Variants in ALDH1L2 observed in about 807,000 individuals in gnomAD.
ALDH1L2 encodes the protein aldehyde dehydrogenase 1 family member L2.
In ALDH1L2, 91 loss-of-function variants were observed where a neutral mutation model predicts 111.0. That is an observed-to-expected ratio of 0.82 (90% confidence interval 0.69 to 0.98). The LOEUF is 0.98. ALDH1L2 is among the 50% of genes least tolerant of loss of function. The probability of loss-of-function intolerance (pLI) is 0.00; values close to 1 mark genes in which losing one functional copy is unlikely to be tolerated. For missense variants in ALDH1L2, 995 were observed against 1,126.8 expected, an observed-to-expected ratio of 0.88 and a Z score of 1.67; for synonymous variants, 374 against 392.6, an observed-to-expected ratio of 0.95 and a Z score of 0.56.
At chr12:105,079,776 A>G (rs75630532) in intron 1 of ALDH1L2, among the ~76,000 whole-genome samples, 2,535 of 152,282 alleles carry the variant, frequency 0.017, 22 homozygotes, top group Non-Finnish European at 0.025. Flanking sequence ...CCTTTTGACC[A>G]TCACTCCCAA....
intron 12 of ALDH1L2, among the ~76,000 whole-genome samples, chr12:105,050,894 G>T (rs1282766771): frequency 6.6e-6 from 1 of 152,098 alleles, no homozygotes; most frequent in African/African-American, 2.4e-5. Flanking sequence ...CATGACACAT[G>T]GGAATTATGG....
intron 18 of ALDH1L2, among the ~76,000 whole-genome samples, 195 bp downstream of exon 18, chr12:105,037,908 G>A (rs770381451): frequency 1.3e-5 from 2 of 152,018 alleles, no homozygotes; most frequent in Non-Finnish European, 2.9e-5. Context: ...GGGACTACAG[G>A]TGCCCACCAC....
Position 105,059,467 on chromosome 12 carries a change from C to T in ALDH1L2, c.1140-1247G>A, listed in dbSNP as rs547892429. 5.3e-5 allele frequency among the ~76,000 whole-genome samples: 8 copies of T among 151,974 alleles called. No homozygotes were observed. In the South Asian group the frequency reaches 6.2e-4, roughly 12 times the overall value. ...TCACACCACTGCACTCCAGCCTAGG[C>T]GACAGAGTGAGGCCCTATCTGTAAT... On this transcript the variant is annotated intron_variant, in intron 9 of 22. Transcript: ENST00000258494.
In ALDH1L2 at chr12:105,026,721, C is replaced by A. The variant is rs1001186206; in HGVS notation, c.2540G>T (p.Arg847Leu). ...CAAACCATACTCTGTACTATTTGCTCGCTGCAACACTCCATCGATGTCCCT... is the reference window on the plus strand; with the variant it reads ...CAAACCATACTCTGTACTATTTGCTAGCTGCAACACTCCATCGATGTCCCT... ...QNGDIDGVLQ[R>L]ANSTEYGLAS... The change falls in exon 22 of 23, where the codon CGA becomes CTA. Residue 847 changes from arginine (R) to leucine (L), a missense_variant. Coordinates refer to ENST00000258494, the MANE Select transcript of ALDH1L2 (RefSeq NM_001034173.4). 1 of 1,614,126 alleles carries A rather than the reference C, an allele frequency of 6.2e-7. No homozygotes were observed. The highest frequency in any genetic ancestry group is 2.2e-5 in the East Asian group (1 of 44,888).
intron 6 of ALDH1L2, among the ~76,000 whole-genome samples, chr12:105,064,484 C>T (rs957404342): frequency 2.6e-5 from 4 of 152,114 alleles, no homozygotes; most frequent in Non-Finnish European, 5.9e-5. Context: ...CCATCGAGCC[C>T]ATGGATTTTT....
chr12:105,066,470 C>T, intron 5 of ALDH1L2, 98 bp downstream of exon 5: 1 of 1,139,706 alleles, frequency 8.8e-7, no homozygotes, highest in Non-Finnish European at 1.3e-6. Flanking sequence ...CTAGGGCAAG[C>T]TGGCTTACCT....
chr12:105,042,174 A>G (rs4964319), intron 15 of ALDH1L2, among the ~76,000 whole-genome samples: 54,898 of 151,986 alleles, frequency 0.36, 10,147 homozygotes, highest in South Asian at 0.51. Flanking sequence ...ATTAAAACCC[A>G]TGAGTTTACA....
intron 9 of ALDH1L2, 30 bp from the exon 10 acceptor site, chr12:105,058,250 TAG>T (rs1229658318): frequency 1.3e-6 from 2 of 1,579,200 alleles, no homozygotes; most frequent in Non-Finnish European, 1.7e-6. Flanking sequence ...TCGCGTTACT[TAG>T]ATTTTTAAAA....
At position 105,041,212 on chromosome 12, in the gene ALDH1L2, A is replaced by G. The variant is rs181276260; in HGVS notation, c.1864-518T>C. On this transcript the variant is annotated intron_variant, in intron 15 of 22. Transcript: ENST00000258494. ...AAAATCCAACATCTGCATTACATTTAGTTCTATCTGTAGTCTCCAGTAATC... is the reference window on the plus strand; with the variant it reads ...AAAATCCAACATCTGCATTACATTTGGTTCTATCTGTAGTCTCCAGTAATC... Among the ~76,000 whole-genome samples, 93 of 152,364 alleles carry G rather than the reference A, an allele frequency of 6.1e-4. 1 individual carries two copies. The highest frequency in any genetic ancestry group is 2.1e-3 in the African/African-American group (89 of 41,586).
rs1017981275 is a variant in ALDH1L2 at position 105,069,024 on chromosome 12, T to A, written c.429-140A>T. The A allele has an allele frequency of 3.3e-5, 26 of 793,470 alleles. No individual in the cohort carries two copies. The African/African-American group carries it at 4.0e-4, about 12-fold the overall frequency. 49.2% of individuals were successfully genotyped at this position (793,470 alleles called of 1,614,324 possible). A position where few individuals can be genotyped will look rare whatever the true frequency, so the allele number is the denominator to read the frequency against. On this transcript the variant is annotated intron_variant, in intron 3 of 22. Transcript: ENST00000258494. ...TACCATGAGAAATTAACAGTAGAAC[T>A]GGGAGACGTCAGGGCTCATAAAAAG...
rs1378451470 is a variant in ALDH1L2 at position 105,047,087 on chromosome 12, T to G, written c.1687-118A>C. ...TTTGTTAGCTGATATGAAAAGAGCGTTTGTTGATAAGAACTATATTCATGC... is the reference window on the plus strand; with the variant it reads ...TTTGTTAGCTGATATGAAAAGAGCGGTTGTTGATAAGAACTATATTCATGC... On this transcript the variant is annotated intron_variant, in intron 13 of 22. Transcript: ENST00000258494. 8 of 1,083,010 alleles carry G rather than the reference T, an allele frequency of 7.4e-6. No homozygotes were observed. In the East Asian group the frequency reaches 2.0e-4, roughly 28 times the overall value. 67.1% of individuals were successfully genotyped at this position (1,083,010 alleles called of 1,614,324 possible).
chr12:105,068,698 T>G, intron 4 of ALDH1L2, 21 bp downstream of exon 4: 1 of 1,433,330 alleles, frequency 7.0e-7, no homozygotes, highest in Non-Finnish European at 9.2e-7. Flanking sequence ...TACTAAATTC[T>G]GGGTGGCAAA....
At chr12:105,061,773 A>T in intron 7 of ALDH1L2, 21 bp from the exon 8 acceptor site, 12 of 1,613,820 alleles carry the variant, frequency 7.4e-6, no homozygotes, top group Non-Finnish European at 1.0e-5. Context: ...GCAACAAAAC[A>T]AGCATAAAAA....
rs964338938 is a variant in ALDH1L2 at position 105,077,862 on chromosome 12, G to A, written c.49-3857C>T. ...GCTAATAGAACCATCTGGGCAGGGT[G>A]TAAAGTAAGGCCAAAGCTATCCAAG... is the stretch of plus-strand genomic sequence containing the variant. On this transcript the variant is annotated intron_variant, in intron 1 of 22. Transcript: ENST00000258494. Among the ~76,000 whole-genome samples, 4 of 152,232 alleles carry A rather than the reference G, an allele frequency of 2.6e-5. No individual in the cohort carries two copies. In the South Asian group the frequency reaches 6.2e-4, roughly 24 times the overall value.
chr12:105,057,048 C>T (rs545156793), intron 10 of ALDH1L2, among the ~76,000 whole-genome samples: 10 of 150,888 alleles, frequency 6.6e-5, no homozygotes, highest in South Asian at 6.3e-4. Flanking sequence ...ATACGAAGGA[C>T]GCTTAAGACT....
chr12:105,032,688 T>A (rs1394070306), intron 19 of ALDH1L2, among the ~76,000 whole-genome samples: 1 of 152,254 alleles, frequency 6.6e-6, no homozygotes, highest in African/African-American at 2.4e-5. Flanking sequence ...AACCACTATC[T>A]ACTAGCACAA....
intron 6 of ALDH1L2, among the ~76,000 whole-genome samples, chr12:105,064,155 G>C (rs1276145522): frequency 2.3e-5 from 1 of 42,608 alleles, no homozygotes; most frequent in Non-Finnish European, 4.4e-5. Context: ...TTTTTTTTTT[G>C]TATTTTTAGT....
intron 5 of ALDH1L2, 66 bp from the exon 6 acceptor site, chr12:105,065,422 T>G: frequency 2.2e-6 from 3 of 1,351,904 alleles, no homozygotes; most frequent in Non-Finnish European, 3.1e-6. Context: ...ATAAAAACGC[T>G]TCTCGTCATC....
At chr12:105,043,397 T>C (rs1169339234) in intron 15 of ALDH1L2, among the ~76,000 whole-genome samples, 2 of 152,230 alleles carry the variant, frequency 1.3e-5, no homozygotes, top group East Asian at 3.8e-4. Flanking sequence ...CCACTTTTCC[T>C]CCTTCTAGTA....
Sources: gnomAD v4.1 joint callset for allele counts (sites outside exome capture counted in the v4.1 genomes callset) on GRCh38, gnomAD v4.1.1 for gene constraint, MANE v1.5 for transcripts, NCBI Gene and HGNC (gene_info 2026-07-23, HGNC 2026-07-21) for gene names.